Variants in PTPRD observed in about 807,000 individuals in gnomAD.
PTPRD encodes the protein protein tyrosine phosphatase receptor type D.
In PTPRD, 34 loss-of-function variants were observed where a neutral mutation model predicts 214.5. That is an observed-to-expected ratio of 0.16 (90% CI 0.12 to 0.21). PTPRD has a LOEUF of 0.21. Among genes scored for constraint, PTPRD ranks in the 10% least tolerant of loss-of-function variants. The probability of loss-of-function intolerance (pLI) is 1.00; values close to 1 mark genes in which losing one functional copy is unlikely to be tolerated. For synonymous variants in PTPRD, 1,128 were observed against 845.7 expected (o/e 1.33, Z -5.79); for missense variants, 2,545 against 2,398.7 (o/e 1.06, Z -1.27).
intron 5 of PTPRD, among the ~76,000 whole-genome samples, chr9:9,899,941 C>A (rs1463339797): frequency 6.6e-6 from 1 of 151,892 alleles, no homozygotes; most frequent in Non-Finnish European, 1.5e-5. Flanking sequence ...AAGCCAAGCA[C>A]ACAAAGACAC....
At chr9:8,928,558 C>A (rs1169754023) in intron 11 of PTPRD, among the ~76,000 whole-genome samples, 4 of 133,668 alleles carry the variant, frequency 3.0e-5, no homozygotes, top group Non-Finnish European at 4.9e-5. Flanking sequence ...GTCCGTTGGT[C>A]TATATCTCTG....
intron 11 of PTPRD, among the ~76,000 whole-genome samples, chr9:8,812,936 T>A (rs1268336374): frequency 6.6e-6 from 1 of 151,988 alleles, no homozygotes; most frequent in Admixed American, 6.6e-5. Context: ...ACTAGCCCAG[T>A]AGATCAAGGG....
At chr9:10,233,666 T>G (rs1301450297) in intron 3 of PTPRD, among the ~76,000 whole-genome samples, 2 of 151,962 alleles carry the variant, frequency 1.3e-5, no homozygotes, top group South Asian at 2.1e-4. Context: ...TATATAGACA[T>G]TATTAGTTCT....
intron 10 of PTPRD, among the ~76,000 whole-genome samples, chr9:9,157,546 A>G (rs1350163095): frequency 6.6e-6 from 1 of 152,208 alleles, no homozygotes; most frequent in East Asian, 1.9e-4. Flanking sequence ...AGACACATAT[A>G]ACCTACCAAG....
At chr9:10,608,485 T>A (rs931675208) in intron 2 of PTPRD, among the ~76,000 whole-genome samples, 6 of 152,098 alleles carry the variant, frequency 3.9e-5, no homozygotes, top group Admixed American at 1.3e-4. Context: ...ACAATTTCCT[T>A]AGCCCTCTTT....
chr9:9,347,233 C>G (rs1284997422), intron 9 of PTPRD, among the ~76,000 whole-genome samples: 1 of 147,812 alleles, frequency 6.8e-6, no homozygotes, highest in Non-Finnish European at 1.5e-5. Context: ...CACATGAACT[C>G]TGTTGCATAT....
chr9:10,482,102 TG>T (rs571067007), intron 2 of PTPRD, among the ~76,000 whole-genome samples: 16 of 152,244 alleles, frequency 1.1e-4, no homozygotes, highest in Middle Eastern at 3.4e-3. Flanking sequence ...CCGGGCGCGG[TG>T]GCTCACGCCT....
intron 2 of PTPRD, among the ~76,000 whole-genome samples, chr9:10,411,990 C>G (rs1185241370): frequency 6.6e-6 from 1 of 151,714 alleles, no homozygotes; most frequent in African/African-American, 2.4e-5. Context: ...TCAAAATTAG[C>G]ATGCATTTAG....
intron 3 of PTPRD, among the ~76,000 whole-genome samples, chr9:10,149,501 G>C (rs1254550511): frequency 2.0e-5 from 3 of 152,014 alleles, no homozygotes; most frequent in Non-Finnish European, 2.9e-5. Context: ...GTACATTTAG[G>C]CAAGGCACTG....
intron 11 of PTPRD, among the ~76,000 whole-genome samples, chr9:8,811,751 C>T (rs1566263491): frequency 6.6e-6 from 1 of 152,164 alleles, no homozygotes; most frequent in Admixed American, 6.5e-5. Context: ...AAAAACAACG[C>T]AGTCGTAATT....
At chr9:10,522,162 A>C (rs1323326197) in intron 2 of PTPRD, among the ~76,000 whole-genome samples, 1 of 152,192 alleles carries the variant, frequency 6.6e-6, no homozygotes, top group Non-Finnish European at 1.5e-5. Context: ...ACCTCCTCCC[A>C]GTGCTACTCC....
chr9:10,406,637 C>T (rs1189229541), intron 2 of PTPRD, among the ~76,000 whole-genome samples: 1 of 151,556 alleles, frequency 6.6e-6, no homozygotes, highest in East Asian at 2.0e-4. Context: ...TGCCCATATA[C>T]TGTAACTTTA....
intron 2 of PTPRD, among the ~76,000 whole-genome samples, chr9:10,585,259 T>C (rs551521892): frequency 6.8e-6 from 1 of 147,682 alleles, no homozygotes; most frequent in East Asian, 1.9e-4. Flanking sequence ...TAATAACTTA[T>C]TTTTTGTGCT....
chr9:9,162,732 A>AT (rs920019674), intron 10 of PTPRD, among the ~76,000 whole-genome samples: 3 of 151,754 alleles, frequency 2.0e-5, no homozygotes, highest in African/African-American at 7.3e-5. Flanking sequence ...TGCAAGTACT[A>AT]TTTTTTTTCT....
chr9:9,513,804 G>A (rs1032814433), intron 8 of PTPRD, among the ~76,000 whole-genome samples: 3 of 151,906 alleles, frequency 2.0e-5, no homozygotes, highest in Admixed American at 6.6e-5. Flanking sequence ...TCATTGAAAG[G>A]GCAAAACTCT....
chr9:9,996,992 G>A (rs967459331), intron 4 of PTPRD, among the ~76,000 whole-genome samples: 1 of 152,158 alleles, frequency 6.6e-6, no homozygotes, highest in Non-Finnish European at 1.5e-5. Context: ...GCAGTCAGTA[G>A]AAACTATCTT....
chr9:8,839,445 C>A (rs1028775021), intron 11 of PTPRD, among the ~76,000 whole-genome samples: 32 of 152,270 alleles, frequency 2.1e-4, no homozygotes, highest in African/African-American at 7.7e-4. Context: ...CTGCCTCAGC[C>A]ACCCGAACAG....
At chr9:10,393,030 A>C (rs2098100703) in intron 2 of PTPRD, among the ~76,000 whole-genome samples, 1 of 151,796 alleles carries the variant, frequency 6.6e-6, no homozygotes, top group Non-Finnish European at 1.5e-5. Context: ...GCCATATTCT[A>C]GCTGTGTCAA....
At chr9:9,371,451 T>G (rs964676436) in intron 9 of PTPRD, among the ~76,000 whole-genome samples, 18 of 152,342 alleles carry the variant, frequency 1.2e-4, no homozygotes, top group African/African-American at 4.3e-4. Flanking sequence ...GTGGGATCGG[T>G]GGTAATATCC....
Sources: gnomAD v4.1 joint callset for allele counts (sites outside exome capture counted in the v4.1 genomes callset) on GRCh38, gnomAD v4.1.1 for gene constraint, MANE v1.5 for transcripts, NCBI Gene and HGNC (gene_info 2026-07-23, HGNC 2026-07-21) for gene names.